Variants in SREBF1 observed in about 807,000 individuals in gnomAD.
SREBF1 encodes the protein sterol regulatory element-binding protein 1.
SREBF1 carries 45 observed loss-of-function variants against 100.1 expected under a neutral mutation model. That is an observed-to-expected ratio of 0.45 (90% confidence interval 0.35 to 0.58). The LOEUF is 0.58. SREBF1 is among the 20% of genes least tolerant of loss of function. The pLI is 0.00. For synonymous variants in SREBF1, 657 were observed against 681.8 expected (o/e 0.96, Z 0.57); for missense variants, 1,324 against 1,539.4 (o/e 0.86, Z 2.34).
rs866629772 is a variant in SREBF1 at position 17,812,492 on chromosome 17, G to A, written c.*130C>T. ...CCTTCCACCGCGAAGGCACACAGCA[G>A]CCGCAGGTCGAACTGTGGAGGCCAG... On this transcript the variant is annotated 3_prime_UTR_variant, in exon 19 of 19. Transcript: ENST00000261646. 7.3e-6 allele frequency: 7 copies of A among 956,776 alleles called. No individual in the cohort carries two copies. In the South Asian group the frequency reaches 7.9e-5, roughly 11 times the overall value. 59.3% of individuals were successfully genotyped at this position (956,776 alleles called of 1,614,324 possible). A position where few individuals can be genotyped will look rare whatever the true frequency, so the allele number is the denominator to read the frequency against.
intron 1 of SREBF1, among the ~76,000 whole-genome samples, chr17:17,823,153 G>C (rs780896062): frequency 6.6e-6 from 1 of 152,214 alleles, no homozygotes; most frequent in Non-Finnish European, 1.5e-5. Context: ...AGGCAGGGGT[G>C]CTGAATAGGG....
intron 13 of SREBF1, 40 bp from the exon 14 acceptor site, chr17:17,814,984 G>C (rs2033399572): frequency 3.9e-6 from 6 of 1,537,130 alleles, no homozygotes; most frequent in African/African-American, 1.4e-5. Context: ...CAGATGGCAG[G>C]GGTCCTAGGA....
intron 1 of SREBF1, among the ~76,000 whole-genome samples, chr17:17,835,537 G>A (rs1157391963): frequency 6.6e-6 from 1 of 152,186 alleles, no homozygotes; most frequent in Non-Finnish European, 1.5e-5. Flanking sequence ...GGGTGGCCAC[G>A]GGTTCCATGG....
rs145253872 is a variant in SREBF1, at chr17:17,820,615, C to A, written c.92-94G>T. 1.4e-5 allele frequency: 19 copies of A among 1,358,684 alleles called. No homozygotes were observed. The African/African-American group carries it at 2.0e-4, about 14-fold the overall frequency. The allele number at this position is 1,358,684 out of a possible 1,614,324, so 84.2% of individuals were successfully genotyped here. The stretch of plus-strand genomic sequence containing the variant: ...CCAAACACAACCTTATTTGCACAAC[C>A]CTTGTTGGCACACAGCTGTATGTGT... On this transcript the variant is annotated intron_variant, in intron 1 of 18. Transcript: ENST00000261646.
intron 15 of SREBF1, 85 bp from the exon 16 acceptor site, chr17:17,814,495 C>G (rs13306738): frequency 6.5e-7 from 1 of 1,538,742 alleles, no homozygotes; most frequent in Admixed American, 2.0e-5. Context: ...GCTCGAGTTC[C>G]CTGAGGAAAA....
At position 17,812,389 on chromosome 17, in the gene SREBF1, C is replaced by T; in HGVS notation, c.*233G>A. 1.7e-6 allele frequency: 1 copy of T among 605,464 alleles called. No homozygotes were observed. Among genetic ancestry groups the T allele is most frequent in the Non-Finnish European group, 2.9e-6 (1 of 347,838 alleles). 37.5% of individuals were successfully genotyped at this position (605,464 alleles called of 1,614,324 possible). The stretch of plus-strand genomic sequence containing the variant: ...GGGGCCCCCCAAAATGGCTCGGCCC[C>T]TGCAGTGCCCCGATCGGCCACCAGA... On this transcript the variant is annotated 3_prime_UTR_variant, in exon 19 of 19. Transcript: ENST00000261646.
Position 17,817,492 on chromosome 17 carries a change from C to T in SREBF1, c.1405-35G>A, listed in dbSNP as rs1032582861. ...TTGGGCAGGGTGGTGAGGGCAGAAT[C>T]GGAGGGACCCCAGAGAGCATGGGGC... On this transcript the variant is annotated intron_variant, in intron 7 of 18. Coordinates refer to ENST00000261646, the MANE Select transcript of SREBF1 (RefSeq NM_004176.5). The surrounding 1 kb of genome is among the most constrained non-coding windows in gnomAD (Gnocchi z 6.6). 13 of 1,553,968 alleles carry T rather than the reference C, an allele frequency of 8.4e-6. No individual in the cohort carries two copies. Among genetic ancestry groups the T allele is most frequent in the East Asian group, 4.7e-5 (2 of 42,172 alleles).
chr17:17,815,507 G>T, intron 12 of SREBF1, 178 bp from the exon 13 acceptor site: 1 of 611,044 alleles, frequency 1.6e-6, no homozygotes, highest in Non-Finnish European at 2.9e-6. Flanking sequence ...ACTATCACCA[G>T]CACCAGCCTT....
chr17:17,813,572 C>T lies in SREBF1; in HGVS notation c.3099G>A (p.Arg1033=). The change falls in exon 17 of 19, where the codon CGG becomes CGA. Residue 1033 remains arginine, a synonymous_variant. Coordinates refer to ENST00000261646, the MANE Select transcript of SREBF1 (RefSeq NM_004176.5). ...RLAQSFRPAM[R]RVFLHEATAR... is the part of the protein sequence containing the mutation. The stretch of plus-strand genomic sequence containing the variant: ...GACAGGGCCATCGGGCACTCACCCT[C>T]CGCATGGCGGGCCGGAAGCTCTGTG... 1 of 1,596,256 alleles carries T rather than the reference C, an allele frequency of 6.3e-7. No individual in the cohort carries two copies. The highest frequency in any genetic ancestry group is 8.5e-7 in the Non-Finnish European group (1 of 1,174,390).
chr17:17,821,743 G>A, intron 1 of SREBF1, among the ~76,000 whole-genome samples: 1 of 152,164 alleles, frequency 6.6e-6, no homozygotes, highest in Non-Finnish European at 1.5e-5. Flanking sequence ...GATCCCCAAA[G>A]AGAATGGCAG....
chr17:17,831,417 C>T (rs1390023737), intron 1 of SREBF1, among the ~76,000 whole-genome samples: 1 of 151,982 alleles, frequency 6.6e-6, no homozygotes, highest in East Asian at 1.9e-4. Flanking sequence ...ACGCACTGCT[C>T]GGGGCAAGGT....
chr17:17,832,861 C>A (rs1400957287), intron 1 of SREBF1, among the ~76,000 whole-genome samples: 1 of 151,642 alleles, frequency 6.6e-6, no homozygotes, highest in African/African-American at 2.4e-5. Flanking sequence ...GCGGAGTTTG[C>A]AGTGAGCCGA....
chr17:17,812,572 C>A lies in SREBF1; in HGVS notation c.*50G>T. The A allele has an allele frequency of 6.5e-7, 1 of 1,539,460 alleles. No individual in the cohort carries two copies. Among genetic ancestry groups the A allele is most frequent in the Non-Finnish European group, 8.8e-7 (1 of 1,134,186 alleles). On this transcript the variant is annotated 3_prime_UTR_variant, in exon 19 of 19. Coordinates refer to ENST00000261646, the MANE Select transcript of SREBF1 (RefSeq NM_004176.5). The stretch of plus-strand genomic sequence containing the variant: ...GCTTCGACGCAGGACAGAAGCTGCA[C>A]GGGACCAAAGTGGCTAGAGACAGGG...
intron 1 of SREBF1, among the ~76,000 whole-genome samples, chr17:17,830,023 C>G (rs1177096144): frequency 6.6e-6 from 1 of 152,210 alleles, no homozygotes; most frequent in African/African-American, 2.4e-5. Context: ...TCAGCCCCAT[C>G]CTGTCTCTCA....
intron 1 of SREBF1, among the ~76,000 whole-genome samples, chr17:17,827,006 G>A (rs1239554194): frequency 6.6e-6 from 1 of 152,212 alleles, no homozygotes; most frequent in Non-Finnish European, 1.5e-5. Context: ...CCAGGCACTG[G>A]GGCCATTATA....
Position 17,819,405 on chromosome 17 carries a change from G to A in SREBF1, c.761C>T (p.Ala254Val). 1 of 1,613,856 alleles carries A rather than the reference G, an allele frequency of 6.2e-7. No individual in the cohort carries two copies. Among genetic ancestry groups the A allele is most frequent in the African/African-American group, 1.3e-5 (1 of 75,076 alleles). ...FIKADSLLLT[A>V]MKTDGATVKA... is the part of the protein sequence containing the mutation. ...CACAGTGGCTCCGTCTGTCTTCATG[G>A]CTGTCAGAAGCAGCGAGTCTGCCTT... is the stretch of plus-strand genomic sequence containing the variant. The change falls in exon 4 of 19, where the codon GCC becomes GTC. Residue 254 changes from alanine to valine, a missense_variant. By Grantham distance (64) the Ala-to-Val change is moderately conservative. Coordinates refer to ENST00000261646, the MANE Select transcript of SREBF1 (RefSeq NM_004176.5).
chr17:17,816,157 C>A, intron 11 of SREBF1, 50 bp downstream of exon 11: 1 of 1,386,666 alleles, frequency 7.2e-7, no homozygotes, highest in Non-Finnish European at 9.9e-7. Flanking sequence ...ACCCAGGGAG[C>A]CTCTGGAGAG....
Position 17,824,463 on chromosome 17 carries a change from C to T in SREBF1, c.92-3942G>A, listed in dbSNP as rs2034355047. ...CCCGACCCACTATTCATTGTAGGGC[C>T]CTGGGAAGCCAGGAAGGGCTGCAGT... On this transcript the variant is annotated intron_variant, in intron 1 of 18. Transcript: ENST00000261646. This position sits in a 1 kb window ranked among gnomAD's most constrained non-coding sequence, Gnocchi z 4.2. 6.6e-6 allele frequency among the ~76,000 whole-genome samples: 1 copy of T among 152,184 alleles called. No individual in the cohort carries two copies. The highest frequency in any genetic ancestry group is 1.5e-5 in the Non-Finnish European group (1 of 68,034).
chr17:17,811,512 G>C lies in SREBF1; in HGVS notation c.*1110C>G. ...GGGAGCCGGGCCAGGCTTTAGGTTG[G>C]GGAATGGGAATGAAGGGAGGGGCTG... On this transcript the variant is annotated 3_prime_UTR_variant, in exon 19 of 19. Transcript: ENST00000261646. The C allele has an allele frequency of 3.5e-6, 1 of 285,532 alleles. No individual in the cohort carries two copies. Among genetic ancestry groups the C allele is most frequent in the South Asian group, 2.8e-5 (1 of 36,094 alleles). The allele number at this position is 285,532 out of a possible 1,614,324, so 17.7% of individuals were successfully genotyped here.
Sources: allele counts gnomAD v4.1 joint callset (sites outside exome capture counted in the v4.1 genomes callset), GRCh38; gene constraint gnomAD v4.1.1; non-coding constraint Gnocchi (gnomAD v3.1); transcripts MANE v1.5; gene names NCBI Gene and HGNC (gene_info 2026-07-23, HGNC 2026-07-21).